Variants in ZNF75D observed in about 807,000 individuals in gnomAD.
ZNF75D encodes zinc finger protein 75.
In ZNF75D, 33 loss-of-function variants were observed where a neutral mutation model predicts 33.3. That is an observed-to-expected ratio of 0.99 (90% CI 0.75 to 1.32). The LOEUF (loss-of-function observed/expected upper bound fraction) is 1.32. ZNF75D is among the 40% of genes most tolerant of loss of function. The pLI is 0.00. For synonymous variants in ZNF75D, 113 were observed against 130.6 expected (o/e 0.87, Z 0.92); for missense variants, 338 against 367.5 (o/e 0.92, Z 0.66).
chrX:135,249,372 C>G (rs146108980), intron 3 of ZNF75D: 4 of 247,207 alleles, frequency 1.6e-5, no homozygotes, highest in African/African-American at 3.0e-5. Context: ...CCTCTCTGCA[C>G]TTCTCCTCCC....
intron 1 of ZNF75D, among the ~76,000 whole-genome samples, chrX:135,310,417 A>T (rs2084345770): frequency 8.9e-6 from 1 of 112,272 alleles, no homozygotes; most frequent in Non-Finnish European, 1.9e-5. Flanking sequence ...ACAATTGGTG[A>T]CTGAGAAGTG....
chrX:135,303,249 C>T (rs1011195893), intron 1 of ZNF75D, among the ~76,000 whole-genome samples: 2 of 110,188 alleles, frequency 1.8e-5, no homozygotes, highest in East Asian at 2.9e-4. Flanking sequence ...GAGGCGTTCC[C>T]TCCTCTTTTA....
At chrX:135,339,754 C>T (rs1419028128) in intron 1 of ZNF75D, among the ~76,000 whole-genome samples, 1 of 112,147 alleles carries the variant, frequency 8.9e-6, no homozygotes, top group Non-Finnish European at 1.9e-5. Context: ...CAGCCCCCTC[C>T]CTCGCTCCAC....
chrX:135,260,255 CT>C, intron 1 of ZNF75D, among the ~76,000 whole-genome samples: 1 of 111,602 alleles, frequency 9.0e-6, no homozygotes, highest in East Asian at 2.8e-4. Flanking sequence ...CTAAAATTTT[CT>C]TTTTTTGTTG....
At chrX:135,283,003 C>T (rs1277599277), downstream of ZNF75D, among the ~76,000 whole-genome samples, 1 of 111,116 alleles carries the variant, frequency 9.0e-6, no homozygotes, top group Non-Finnish European at 1.9e-5. Flanking sequence ...CACTGAGATA[C>T]ACAGAGCCTA....
chrX:135,271,656 C>T (rs528026886), intron 1 of ZNF75D, among the ~76,000 whole-genome samples: 10 of 111,957 alleles, frequency 8.9e-5, no homozygotes, highest in Admixed American at 6.6e-4. Context: ...ACCTCCTATT[C>T]ACCCCATTGT....
At chrX:135,332,207 G>A (rs1556440751) in intron 1 of ZNF75D, among the ~76,000 whole-genome samples, 1 of 111,703 alleles carries the variant, frequency 9.0e-6, no homozygotes, top group Non-Finnish European at 1.9e-5. Flanking sequence ...CACAACTGAA[G>A]AGACAGAAAT....
At chrX:135,312,625 TTC>T (rs2084372919) in intron 1 of ZNF75D, among the ~76,000 whole-genome samples, 1 of 111,214 alleles carries the variant, frequency 9.0e-6, no homozygotes. Flanking sequence ...AGTGTATGAG[TTC>T]TCTTTTCTCC....
At chrX:135,288,442 G>A (rs967115028) in intron 6 of ZNF75D, among the ~76,000 whole-genome samples, 1 of 112,187 alleles carries the variant, frequency 8.9e-6, no homozygotes, top group East Asian at 2.8e-4. Context: ...AACTCAGAAG[G>A]CTGCATTTTT....
intron 1 of ZNF75D, among the ~76,000 whole-genome samples, chrX:135,337,131 A>T (rs2084722055): frequency 8.9e-6 from 1 of 111,827 alleles, no homozygotes; most frequent in Non-Finnish European, 1.9e-5. Flanking sequence ...AGATAAGGAA[A>T]ATTAACTTTT....
intron 2 of ZNF75D, 106 bp from the exon 3 acceptor site, chrX:135,294,364 GCTT>G (rs1602610210): frequency 9.6e-6 from 3 of 313,617 alleles, no homozygotes; most frequent in Middle Eastern, 8.6e-4. Context: ...TTCCTGTCTG[GCTT>G]CTTCTTTAAA....
chrX:135,292,855 T>C (rs1205324657), intron 3 of ZNF75D, among the ~76,000 whole-genome samples: 2 of 112,197 alleles, frequency 1.8e-5, no homozygotes, highest in Non-Finnish European at 3.8e-5. Flanking sequence ...CTTTTGGTTT[T>C]CTGTAAAAGA....
At chrX:135,256,910 A>C (rs2083804712) in intron 1 of ZNF75D, among the ~76,000 whole-genome samples, 1 of 111,695 alleles carries the variant, frequency 9.0e-6, no homozygotes, top group Non-Finnish European at 1.9e-5. Context: ...CTCCTGGGCG[A>C]CATTTCTAGA....
intron 1 of ZNF75D, among the ~76,000 whole-genome samples, chrX:135,278,341 T>A (rs1209964357): frequency 8.9e-6 from 1 of 112,349 alleles, no homozygotes; most frequent in Non-Finnish European, 1.9e-5. Context: ...TGATTTTGTA[T>A]CCTGAGACTT....
intron 1 of ZNF75D, among the ~76,000 whole-genome samples, chrX:135,280,058 G>T (rs1409141679): frequency 9.0e-6 from 1 of 111,421 alleles, no homozygotes; most frequent in Non-Finnish European, 1.9e-5. Context: ...CTGTCTTGGT[G>T]ATCTGTCTAA....
At position 135,292,355 on chromosome X, in the gene ZNF75D, C is replaced by T. The variant is rs782160515; in HGVS notation, c.530G>A (p.Trp177Ter). Residue 177 changes from tryptophan (W) to a stop codon, truncating the protein, a stop_gained, in exon 4 of 7, where the codon TGG becomes TAG. Coordinates refer to ENST00000370766, the MANE Select transcript of ZNF75D (RefSeq NM_007131.5). LOFTEE classifies it high-confidence loss of function. ...QPMGVFQKEYWNTYRVLQEQL... is the reference protein window; with the variant it reads ...QPMGVFQKEY ...TTCTTGTAGTACCCGGTATGTATTC[C>T]AATATTCTTTCTGGAACACACCCAT... 80 of 1,209,973 alleles carry T rather than the reference C, an allele frequency of 6.6e-5. No homozygotes were observed. Among genetic ancestry groups the T allele is most frequent in the Non-Finnish European group, 6.1e-5 (55 of 895,140 alleles).
chrX:135,319,721 T>C (rs2084473088), intron 1 of ZNF75D, among the ~76,000 whole-genome samples: 1 of 112,195 alleles, frequency 8.9e-6, no homozygotes, highest in African/African-American at 3.2e-5. Flanking sequence ...CATGAGGACC[T>C]GAAATGGAAG....
downstream of ZNF75D, among the ~76,000 whole-genome samples, chrX:135,283,757 G>T (rs115824110): frequency 3.6e-4 from 40 of 111,895 alleles, no homozygotes; most frequent in African/African-American, 1.2e-3. Context: ...GGAGGAAGAG[G>T]TTTCTTGGGA....
intron 3 of ZNF75D, among the ~76,000 whole-genome samples, chrX:135,293,063 AG>A (rs1556421702): frequency 9.0e-6 from 1 of 111,317 alleles, no homozygotes; most frequent in Non-Finnish European, 1.9e-5. Context: ...TCCTGAAAAA[AG>A]AAAGTGTGCT....
Sources: allele counts gnomAD v4.1 joint callset (sites outside exome capture counted in the v4.1 genomes callset), GRCh38; gene constraint gnomAD v4.1.1; transcripts MANE v1.5; gene names NCBI Gene and HGNC (gene_info 2026-07-23, HGNC 2026-07-21).